Variants in KCNAB1 observed in about 807,000 individuals in gnomAD.
KCNAB1 encodes the protein voltage-gated potassium channel subunit beta-1.
Under a neutral mutation model 64.6 loss-of-function variants are expected in KCNAB1, and 35 were observed. The observed-to-expected ratio is 0.54, with a 90% CI of 0.41 to 0.72. The LOEUF is 0.72. Among genes scored for constraint, KCNAB1 ranks in the 30% least tolerant of loss-of-function variants. The pLI is 0.00. For synonymous variants in KCNAB1, 177 were observed against 183.8 expected, an observed-to-expected ratio of 0.96 and a Z score of 0.30; for missense variants, 401 against 512.9, an observed-to-expected ratio of 0.78 and a Z score of 2.11.
At chr3:156,124,426 A>G (rs1055174669) in intron 1 of KCNAB1, among the ~76,000 whole-genome samples, 2 of 152,026 alleles carry the variant, frequency 1.3e-5, no homozygotes, top group Admixed American at 6.5e-5. Context: ...CATGTTGGCC[A>G]GGCTGGTCTT....
chr3:156,499,745 C>T (rs1716257948), intron 8 of KCNAB1, among the ~76,000 whole-genome samples: 1 of 152,064 alleles, frequency 6.6e-6, no homozygotes, highest in African/African-American at 2.4e-5. Flanking sequence ...ATAATACCAC[C>T]TCATACGGCT....
chr3:156,237,793 ATCT>A (rs147051709), intron 1 of KCNAB1, among the ~76,000 whole-genome samples: 2,405 of 151,906 alleles, frequency 0.016, 43 homozygotes, highest in Non-Finnish European at 0.019. Flanking sequence ...ATCATTCCTG[ATCT>A]TCTTTTTTAC....
At chr3:156,457,813 C>T (rs1309904341) in intron 4 of KCNAB1, among the ~76,000 whole-genome samples, 1 of 152,180 alleles carries the variant, frequency 6.6e-6, no homozygotes, top group South Asian at 2.1e-4. Context: ...TGAGGGGCAG[C>T]GGAGTCTGAT....
At position 156,304,023 on chromosome 3, in the gene KCNAB1, G is replaced by A. The variant is rs147542454; in HGVS notation, c.276-117593G>A. Among the ~76,000 whole-genome samples the A allele has an allele frequency of 2.0e-5, 3 of 152,248 alleles. No individual in the cohort carries two copies. The East Asian group carries it at 5.8e-4, about 29-fold the overall frequency. ...TAGTGTTTTTCAATTTCATTTCTTA[G>A]CAGCAAGGCAGTACTATCACACGAC... is the stretch of plus-strand genomic sequence containing the variant. On this transcript the variant is annotated intron_variant, in intron 1 of 13. Coordinates refer to ENST00000490337, the MANE Select transcript of KCNAB1 (RefSeq NM_172160.3).
chr3:156,295,461 TA>T (rs1182275323), intron 1 of KCNAB1, among the ~76,000 whole-genome samples: 2 of 152,196 alleles, frequency 1.3e-5, no homozygotes, highest in Non-Finnish European at 2.9e-5. Flanking sequence ...TAGAAAGAAT[TA>T]ATGTATACTT....
chr3:156,249,882 A>T (rs949583514), intron 1 of KCNAB1, among the ~76,000 whole-genome samples: 1 of 152,244 alleles, frequency 6.6e-6, no homozygotes, highest in Non-Finnish European at 1.5e-5. Context: ...CTTTGGGGAT[A>T]TCTTCTTCAG....
chr3:156,432,279 T>G (rs1460481909), intron 2 of KCNAB1, among the ~76,000 whole-genome samples: 1 of 152,210 alleles, frequency 6.6e-6, no homozygotes, highest in Admixed American at 6.5e-5. Context: ...GTCAATTCAA[T>G]TTGCCTAATT....
At chr3:156,376,987 A>T (rs1447161624) in intron 1 of KCNAB1, among the ~76,000 whole-genome samples, 1 of 152,200 alleles carries the variant, frequency 6.6e-6, no homozygotes, top group Non-Finnish European at 1.5e-5. Context: ...GCAAAAAAAA[A>T]GTAAAATAAA....
intron 1 of KCNAB1, among the ~76,000 whole-genome samples, chr3:156,343,126 G>T (rs1360322609): frequency 6.6e-6 from 1 of 152,146 alleles, no homozygotes; most frequent in African/African-American, 2.4e-5. Context: ...GCATAAAATG[G>T]ATTTTAATCG....
chr3:156,442,179 T>TA (rs1395642300), intron 2 of KCNAB1, among the ~76,000 whole-genome samples: 2 of 152,208 alleles, frequency 1.3e-5, no homozygotes, highest in African/African-American at 4.8e-5. Flanking sequence ...TAATTTAAGT[T>TA]ACTACATATC....
At chr3:156,289,671 TTAAAG>T (rs1255352316) in intron 1 of KCNAB1, among the ~76,000 whole-genome samples, 7 of 152,346 alleles carry the variant, frequency 4.6e-5, no homozygotes, top group African/African-American at 1.4e-4. Flanking sequence ...TGTTTATTTT[TTAAAG>T]TAAAGTGTGG....
At chr3:156,496,682 A>G (rs991752190) in intron 8 of KCNAB1, among the ~76,000 whole-genome samples, 1 of 152,214 alleles carries the variant, frequency 6.6e-6, no homozygotes, top group African/African-American at 2.4e-5. Context: ...TTAGTGGGTC[A>G]TGTAGTAGAA....
intron 1 of KCNAB1, among the ~76,000 whole-genome samples, chr3:156,179,213 A>G (rs1336973940): frequency 6.6e-6 from 1 of 152,056 alleles, no homozygotes; most frequent in African/African-American, 2.4e-5. Flanking sequence ...TGCTTGACAC[A>G]GTTGAATTTT....
chr3:156,327,280 G>A (rs1485051919), intron 1 of KCNAB1, among the ~76,000 whole-genome samples: 1 of 152,152 alleles, frequency 6.6e-6, no homozygotes, highest in East Asian at 1.9e-4. Context: ...AAGTGCATGT[G>A]TTGAGGCCAT....
At chr3:156,427,825 C>T (rs1473995104) in intron 2 of KCNAB1, among the ~76,000 whole-genome samples, 1 of 152,154 alleles carries the variant, frequency 6.6e-6, no homozygotes, top group Non-Finnish European at 1.5e-5. Context: ...GCTGTTTCAT[C>T]AGGGCTCTTG....
chr3:156,190,447 G>A (rs778070888), intron 1 of KCNAB1, among the ~76,000 whole-genome samples: 16 of 152,146 alleles, frequency 1.1e-4, no homozygotes, highest in Non-Finnish European at 2.2e-4. Context: ...AAGAATCAGT[G>A]TAGACCATTT....
chr3:156,424,594 G>A (rs1014583397), intron 2 of KCNAB1, among the ~76,000 whole-genome samples: 1 of 151,946 alleles, frequency 6.6e-6, no homozygotes, highest in Non-Finnish European at 1.5e-5. Context: ...AGAAATATAT[G>A]TAGTGAAAAA....
intron 1 of KCNAB1, among the ~76,000 whole-genome samples, chr3:156,189,621 A>G (rs1233332622): frequency 2.6e-5 from 4 of 151,386 alleles, no homozygotes; most frequent in Admixed American, 2.0e-4. Flanking sequence ...TACCATTTAA[A>G]TCTCTAGTGT....
chr3:156,533,865 T>C (rs1445235354), intron 13 of KCNAB1, among the ~76,000 whole-genome samples: 2 of 152,082 alleles, frequency 1.3e-5, no homozygotes, highest in Non-Finnish European at 2.9e-5. Context: ...GAGGCAAGTC[T>C]AGGGCTGAGT....
Sources: gnomAD v4.1 joint callset for allele counts (sites outside exome capture counted in the v4.1 genomes callset) on GRCh38, gnomAD v4.1.1 for gene constraint, MANE v1.5 for transcripts, NCBI Gene and HGNC (gene_info 2026-07-23, HGNC 2026-07-21) for gene names.